Variants in WNT3 observed in about 807,000 individuals in gnomAD.
WNT3 encodes Wnt family member 3, also known as proto-oncogene Wnt-3.
A neutral mutation model predicts 34.2 loss-of-function variants in WNT3; 7 were observed. The observed-to-expected ratio is 0.20, with a 90% CI of 0.12 to 0.38. The LOEUF (loss-of-function observed/expected upper bound fraction) is 0.38, where lower values mean the gene tolerates loss of function less well. WNT3 is among the 10% of genes least tolerant of loss of function. WNT3 has a pLI of 1.00. For synonymous variants in WNT3, 212 were observed against 211.5 expected, an observed-to-expected ratio of 1.00 and a Z score of -0.02; for missense variants, 267 against 499.8, an observed-to-expected ratio of 0.53 and a Z score of 4.44.
intron 2 of WNT3, among the ~76,000 whole-genome samples, chr17:46,770,663 CCAT>C (rs1268719723): frequency 6.6e-6 from 1 of 152,178 alleles, no homozygotes; most frequent in Non-Finnish European, 1.5e-5. Flanking sequence ...CTCAGTCTCC[CCAT>C]CCCCATTCTC....
At chr17:46,783,271 T>G (rs72628338) in intron 1 of WNT3, among the ~76,000 whole-genome samples, 9,680 of 152,210 alleles carry the variant, frequency 0.064, 1,441 homozygotes, top group East Asian at 0.61. Flanking sequence ...GCTCCTGTCT[T>G]GATTTAGCCC....
chr17:46,782,066 G>A (rs940556062), intron 1 of WNT3, among the ~76,000 whole-genome samples: 3 of 152,192 alleles, frequency 2.0e-5, no homozygotes, highest in Admixed American at 1.3e-4. Context: ...TGGACCCAGG[G>A]GCTGCGGCCC....
intron 1 of WNT3, among the ~76,000 whole-genome samples, chr17:46,806,119 G>A (rs2084190958): frequency 6.6e-6 from 1 of 152,056 alleles, no homozygotes; most frequent in Non-Finnish European, 1.5e-5. Flanking sequence ...TGCCACTGGA[G>A]CCGCCCACTT....
At chr17:46,790,017 C>T (rs2083961304) in intron 1 of WNT3, among the ~76,000 whole-genome samples, 1 of 152,130 alleles carries the variant, frequency 6.6e-6, no homozygotes. Flanking sequence ...GGACTTCCCC[C>T]ACTCTATTTA....
Position 46,768,292 on chromosome 17 carries a change from CCT to C in WNT3, c.*8+18_*8+19del. 1 of 1,612,834 alleles carries C rather than the reference CCT, an allele frequency of 6.2e-7. No homozygotes were observed. The highest frequency in any genetic ancestry group is 1.3e-5 in the African/African-American group (1 of 75,052). On this transcript the variant is annotated intron_variant, in intron 4 of 4. Coordinates refer to ENST00000225512, the MANE Select transcript of WNT3 (RefSeq NM_030753.5). The surrounding 1 kb of genome is among the most constrained non-coding windows in gnomAD (Gnocchi z 5.0). ...CTGCGCCCAGGCTCCCAGCCTCCCC[CCT>C]GCTTCCCGGAGCCCTACCTGGTGCC...
chr17:46,798,695 C>A (rs1488792729), intron 1 of WNT3, among the ~76,000 whole-genome samples: 1 of 152,164 alleles, frequency 6.6e-6, no homozygotes, highest in Non-Finnish European at 1.5e-5. Context: ...ACAGCCAGTG[C>A]CTCAGCCATT....
intron 1 of WNT3, among the ~76,000 whole-genome samples, chr17:46,806,332 C>A (rs561788160): frequency 6.6e-6 from 1 of 151,886 alleles, no homozygotes; most frequent in Admixed American, 6.6e-5. Context: ...TTCTCAGCCT[C>A]CCCAGTAGCT....
At chr17:46,791,344 C>A (rs1309678438) in intron 1 of WNT3, among the ~76,000 whole-genome samples, 1 of 152,070 alleles carries the variant, frequency 6.6e-6, no homozygotes, top group African/African-American at 2.4e-5. Flanking sequence ...ACTGGGATTA[C>A]AGACGAGGAC....
intron 1 of WNT3, among the ~76,000 whole-genome samples, chr17:46,814,477 G>C (rs1350052469): frequency 6.6e-6 from 1 of 152,136 alleles, no homozygotes; most frequent in Non-Finnish European, 1.5e-5. Flanking sequence ...ACTTCCAAGA[G>C]ACCTGGACTA....
intron 1 of WNT3, among the ~76,000 whole-genome samples, chr17:46,782,977 G>A (rs2059474465): frequency 6.6e-6 from 1 of 152,214 alleles, no homozygotes; most frequent in South Asian, 2.1e-4. Context: ...TGTGGCTGTG[G>A]GAGAGCGCCA....
chr17:46,778,849 C>T (rs1165266004), intron 1 of WNT3, among the ~76,000 whole-genome samples: 2 of 152,128 alleles, frequency 1.3e-5, no homozygotes, highest in Admixed American at 1.3e-4. Flanking sequence ...ATTCCTAGGT[C>T]ACCACCATTC....
chr17:46,783,125 G>C (rs1423130013), intron 1 of WNT3, among the ~76,000 whole-genome samples: 2 of 152,246 alleles, frequency 1.3e-5, no homozygotes, highest in East Asian at 3.8e-4. Context: ...TCTCCAGCAG[G>C]GGTGGGAGCA....
intron 1 of WNT3, among the ~76,000 whole-genome samples, chr17:46,801,961 A>G (rs568506241): frequency 6.6e-6 from 1 of 152,368 alleles, no homozygotes; most frequent in South Asian, 2.1e-4. Context: ...CCATGTGCCC[A>G]GTATTGAAAA....
intron 4 of WNT3, among the ~76,000 whole-genome samples, chr17:46,767,387 T>C (rs1308723487): frequency 6.6e-6 from 1 of 151,948 alleles, no homozygotes; most frequent in Non-Finnish European, 1.5e-5. Flanking sequence ...ATATGCCGCT[T>C]CCCCCCACCC....
intron 1 of WNT3, among the ~76,000 whole-genome samples, chr17:46,798,151 A>G (rs2084078188): frequency 6.6e-6 from 1 of 152,100 alleles, no homozygotes; most frequent in Non-Finnish European, 1.5e-5. Flanking sequence ...CTGGTCTCGA[A>G]CCCCTGACCT....
intron 2 of WNT3, among the ~76,000 whole-genome samples, chr17:46,771,260 C>T (rs1465164845): frequency 1.3e-5 from 2 of 152,096 alleles, no homozygotes; most frequent in Non-Finnish European, 2.9e-5. Flanking sequence ...CCGAGGACGG[C>T]GGCAAGGGGG....
intron 1 of WNT3, among the ~76,000 whole-genome samples, chr17:46,787,230 C>T (rs940157837): frequency 1.3e-5 from 2 of 150,332 alleles, no homozygotes; most frequent in African/African-American, 4.9e-5. Context: ...TGTGAGCCAG[C>T]GTGCCCAGCC....
chr17:46,770,051 G>T lies in WNT3; in HGVS notation c.323-3C>A. On this transcript the variant is annotated splice_region_variant and splice_polypyrimidine_tract_variant and intron_variant, in intron 2 of 4. Coordinates refer to ENST00000225512, the MANE Select transcript of WNT3 (RefSeq NM_030753.5). Reference sequence around the variant, plus strand: ...AACGAAGGCCGACTCGCGGGTGGCTGCGGGGAGGTCGTGGGGAGGCAGCAC... The same window carrying T: ...AACGAAGGCCGACTCGCGGGTGGCTTCGGGGAGGTCGTGGGGAGGCAGCAC... The T allele has an allele frequency of 6.5e-7, 1 of 1,542,392 alleles. No individual in the cohort carries two copies. The highest frequency in any genetic ancestry group is 2.0e-5 in the Admixed American group (1 of 51,078).
chr17:46,779,612 C>T (rs964210787), intron 1 of WNT3, among the ~76,000 whole-genome samples: 4 of 152,172 alleles, frequency 2.6e-5, no homozygotes, highest in Admixed American at 2.6e-4. Context: ...AGTGAAATAT[C>T]CCTCCACAAA....
Sources: gnomAD v4.1 joint callset for allele counts (sites outside exome capture counted in the v4.1 genomes callset) on GRCh38, gnomAD v4.1.1 for gene constraint, Gnocchi (gnomAD v3.1) non-coding constraint, MANE v1.5 for transcripts, NCBI Gene and HGNC (gene_info 2026-07-23, HGNC 2026-07-21) for gene names.